RAD21: variants seen among roughly 807,000 people sequenced by gnomAD.
RAD21 encodes the protein double-strand-break repair protein rad21 homolog.
A neutral mutation model predicts 71.5 loss-of-function variants in RAD21; 18 were observed. That is an observed-to-expected ratio of 0.25 (90% CI 0.17 to 0.37). The LOEUF is 0.37. Ranked by LOEUF, RAD21 falls within the 10% of genes least tolerant of loss-of-function variation. The probability of loss-of-function intolerance (pLI) is 1.00; values close to 1 mark genes in which losing one functional copy is unlikely to be tolerated. For synonymous variants in RAD21, 248 were observed against 254.0 expected (o/e 0.98, Z 0.22); for missense variants, 493 against 769.1 (o/e 0.64, Z 4.25).
rs571443547 is a variant in RAD21, at chr8:116,846,973, G to A, written c.*527C>T. 8 of 216,060 alleles carry A rather than the reference G, an allele frequency of 3.7e-5. No individual in the cohort carries two copies. Among genetic ancestry groups the A allele is most frequent in the East Asian group, 2.1e-4 (3 of 14,468 alleles). 13.4% of individuals were successfully genotyped at this position (216,060 alleles called of 1,614,324 possible). A position where few individuals can be genotyped will look rare whatever the true frequency, so the allele number is the denominator to read the frequency against. On this transcript the variant is annotated 3_prime_UTR_variant, in exon 14 of 14. Coordinates refer to ENST00000297338, the MANE Select transcript of RAD21 (RefSeq NM_006265.3). ...CTCATTATGGAATTACACTTAAAAC[G>A]AATCTCAAGAGGGTGACCATTGTTG...
chr8:116,871,218 T>A (rs1332186644), intron 1 of RAD21, among the ~76,000 whole-genome samples: 2 of 152,212 alleles, frequency 1.3e-5, no homozygotes, highest in Non-Finnish European at 2.9e-5. Flanking sequence ...AAAAAGTCGA[T>A]TAATCTGTTT....
intron 3 of RAD21, 136 bp downstream of exon 3, chr8:116,862,994 C>T (rs1812621662): frequency 2.5e-6 from 3 of 1,190,322 alleles, no homozygotes; most frequent in South Asian, 1.8e-5. Flanking sequence ...CTTGCTCTAT[C>T]TTTGAAGGGT....
intron 4 of RAD21, among the ~76,000 whole-genome samples, chr8:116,859,188 C>T (rs1812533742): frequency 1.3e-5 from 2 of 151,494 alleles, no homozygotes; most frequent in Admixed American, 6.6e-5. Context: ...TTTTACTGCA[C>T]TTTGTTTTAC....
chr8:116,852,461 C>T, intron 10 of RAD21, 88 bp downstream of exon 10: 1 of 1,330,654 alleles, frequency 7.5e-7, no homozygotes, highest in East Asian at 2.4e-5. Context: ...TTTGATTCCT[C>T]ATTTCTTTCA....
chr8:116,858,191 A>G (rs1167235324), intron 5 of RAD21, among the ~76,000 whole-genome samples, 161 bp downstream of exon 5: 1 of 152,220 alleles, frequency 6.6e-6, no homozygotes, highest in African/African-American at 2.4e-5. Context: ...TATGAAAATA[A>G]TGCTTAATCT....
At chr8:116,863,831 A>C (rs1168688622) in intron 2 of RAD21, among the ~76,000 whole-genome samples, 2 of 152,112 alleles carry the variant, frequency 1.3e-5, no homozygotes, top group Non-Finnish European at 2.9e-5. Flanking sequence ...TGAGGACAGG[A>C]AGCTAACACA....
rs1684974295 is a variant in RAD21, at chr8:116,850,616, A to ACCTCTT, written c.1616_1620+1dup. ...TGGAATGAAAATTATTAATTAGTTTACCTCTTCCTCTTCATCATCTTCTTT... is the reference window on the plus strand; with the variant it reads ...TGGAATGAAAATTATTAATTAGTTTACCTCTTCCTCTTCCTCTTCATCATCTTCTTT... On this transcript the variant is annotated splice_donor_variant, in intron 12 of 13. Coordinates refer to ENST00000297338, the MANE Select transcript of RAD21 (RefSeq NM_006265.3). LOFTEE classifies it high-confidence loss of function. 2 of 1,608,138 alleles carry ACCTCTT rather than the reference A, an allele frequency of 1.2e-6. No homozygotes were observed. Among genetic ancestry groups the ACCTCTT allele is most frequent in the Non-Finnish European group, 1.7e-6 (2 of 1,176,256 alleles).
intron 7 of RAD21, 111 bp downstream of exon 7, chr8:116,856,535 A>G (rs773907307): frequency 7.8e-7 from 1 of 1,288,702 alleles, no homozygotes; most frequent in Non-Finnish European, 1.0e-6. Context: ...GTACTTAAAG[A>G]TATTTATAAT....
chr8:116,863,998 A>T (rs1026441074), intron 2 of RAD21, among the ~76,000 whole-genome samples: 40 of 150,240 alleles, frequency 2.7e-4, no homozygotes, highest in African/African-American at 9.3e-4. Context: ...ATACCGATTT[A>T]AAAAAAAAAG....
intron 1 of RAD21, among the ~76,000 whole-genome samples, chr8:116,867,551 G>A (rs16889060): frequency 6.7e-6 from 1 of 150,048 alleles, no homozygotes; most frequent in East Asian, 1.9e-4. Flanking sequence ...ATTAACTGCA[G>A]GATATTTCCT....
intron 1 of RAD21, among the ~76,000 whole-genome samples, chr8:116,867,695 T>C (rs1397461396): frequency 1.3e-5 from 2 of 152,232 alleles, no homozygotes; most frequent in Non-Finnish European, 2.9e-5. Context: ...ATATATGCCT[T>C]GCTTTACAGA....
intron 4 of RAD21, among the ~76,000 whole-genome samples, chr8:116,859,938 T>C (rs977801268): frequency 6.6e-6 from 1 of 152,170 alleles, no homozygotes; most frequent in Non-Finnish European, 1.5e-5. Context: ...AATGCTACTC[T>C]AGTGAACATG....
intron 9 of RAD21, among the ~76,000 whole-genome samples, chr8:116,853,110 A>AGAG (rs1190418534): frequency 5.3e-5 from 8 of 151,938 alleles, no homozygotes; most frequent in Middle Eastern, 3.4e-3. Context: ...ATGGAGTCTC[A>AGAG]CTCTGTCGCC....
At chr8:116,860,554 G>A (rs1039282043) in intron 4 of RAD21, among the ~76,000 whole-genome samples, 3 of 152,150 alleles carry the variant, frequency 2.0e-5, no homozygotes, top group Non-Finnish European at 4.4e-5. Flanking sequence ...CAAAAAAACT[G>A]CAACTTGCTG....
At chr8:116,860,606 A>G (rs1464433361) in intron 4 of RAD21, among the ~76,000 whole-genome samples, 1 of 152,176 alleles carries the variant, frequency 6.6e-6, no homozygotes, top group African/African-American at 2.4e-5. Context: ...AGTATTTTTA[A>G]GATAAGCTCA....
intron 13 of RAD21, among the ~76,000 whole-genome samples, chr8:116,848,509 CCT>C (rs1408139941): frequency 1.3e-5 from 2 of 152,120 alleles, no homozygotes; most frequent in Admixed American, 6.5e-5. Context: ...TTCAAGATAT[CCT>C]GTCTATGTCT....
chr8:116,854,685 A>AC (rs1026541125), intron 8 of RAD21, among the ~76,000 whole-genome samples: 48 of 152,278 alleles, frequency 3.2e-4, no homozygotes, highest in African/African-American at 1.1e-3. Context: ...AAATTTGCTG[A>AC]ATGAGTATGT....
intron 1 of RAD21, among the ~76,000 whole-genome samples, chr8:116,870,766 G>C (rs2921782): frequency 0.11 from 16,857 of 152,164 alleles, 2,060 homozygotes; most frequent in African/African-American, 0.3. Flanking sequence ...TACTATCTGT[G>C]GCATGACAAT....
intron 10 of RAD21, 148 bp downstream of exon 10, chr8:116,852,401 T>C: frequency 3.4e-6 from 3 of 886,430 alleles, no homozygotes; most frequent in Non-Finnish European, 5.0e-6. Flanking sequence ...CATACTTAAA[T>C]AAGGCAATCA....
Sources: allele counts gnomAD v4.1 joint callset (sites outside exome capture counted in the v4.1 genomes callset), GRCh38; gene constraint gnomAD v4.1.1; transcripts MANE v1.5; gene names NCBI Gene and HGNC (gene_info 2026-07-23, HGNC 2026-07-21).